PRKCH: variants seen among roughly 807,000 people sequenced by gnomAD.
PRKCH encodes the protein protein kinase C eta.
A neutral mutation model predicts 82.5 loss-of-function variants in PRKCH; 28 were observed. The observed-to-expected ratio is 0.34, with a 90% CI of 0.25 to 0.47. The LOEUF (loss-of-function observed/expected upper bound fraction) is 0.47. Among genes scored for constraint, PRKCH ranks in the 20% least tolerant of loss-of-function variants. The pLI is 1.00. For synonymous variants in PRKCH, 322 were observed against 327.4 expected, an observed-to-expected ratio of 0.98 and a Z score of 0.18; for missense variants, 705 against 881.8, an observed-to-expected ratio of 0.80 and a Z score of 2.54.
At chr14:61,411,442 G>T (rs993788897) in intron 2 of PRKCH, among the ~76,000 whole-genome samples, 3 of 152,092 alleles carry the variant, frequency 2.0e-5, no homozygotes, top group African/African-American at 7.2e-5. Context: ...TTTACTTTTG[G>T]CCAAATGCTG....
At chr14:61,223,621 A>G (rs566975654) in intron 1 of PRKCH, among the ~76,000 whole-genome samples, 1 of 152,300 alleles carries the variant, frequency 6.6e-6, no homozygotes, top group Admixed American at 6.5e-5. Context: ...CTGCCTCTGC[A>G]TTTATTTATT....
intron 1 of PRKCH, among the ~76,000 whole-genome samples, chr14:61,354,686 C>T (rs1024962675): frequency 4.6e-5 from 7 of 152,182 alleles, no homozygotes; most frequent in African/African-American, 7.2e-5. Context: ...CTTCACCTGA[C>T]GAATTCTCCA....
intron 2 of PRKCH, among the ~76,000 whole-genome samples, chr14:61,415,024 G>A (rs906274046): frequency 3.3e-5 from 5 of 151,936 alleles, no homozygotes; most frequent in African/African-American, 1.2e-4. Context: ...TTACCTTCAG[G>A]CCCCATTTTT....
intron 1 of PRKCH, among the ~76,000 whole-genome samples, chr14:61,389,921 C>A (rs2046649967): frequency 6.6e-6 from 1 of 152,082 alleles, no homozygotes; most frequent in South Asian, 2.1e-4. Flanking sequence ...CAAAAATGGT[C>A]ATTCGTATCT....
chr14:61,326,022 GGTAAATCA>G (rs1267190560), intron 1 of PRKCH, among the ~76,000 whole-genome samples: 2 of 152,122 alleles, frequency 1.3e-5, no homozygotes, highest in African/African-American at 4.8e-5. Flanking sequence ...AATGTAAAAT[GGTAAATCA>G]TGTTGGAAAA....
chr14:61,426,726 T>G (rs1469125941), intron 2 of PRKCH, among the ~76,000 whole-genome samples: 5 of 152,206 alleles, frequency 3.3e-5, no homozygotes, highest in Admixed American at 2.0e-4. Context: ...TCAAAAAATT[T>G]TCACCTACAA....
rs17098496 is a variant in PRKCH, at chr14:61,484,079, T to C, written c.1279-1423T>C. On this transcript the variant is annotated intron_variant, in intron 9 of 13. Transcript: ENST00000332981. ...GATAGGTTCTGTGTATCTGCATCCG[T>C]TGGTAAAATACCACTTTCCTCGCAA... Among the ~76,000 whole-genome samples, 2,964 of 152,188 alleles carry C rather than the reference T, an allele frequency of 0.019. 176 individuals carry two copies. The East Asian group carries it at 0.24, about 12-fold the overall frequency.
chr14:61,319,975 T>C (rs1435822993), upstream of PRKCH, among the ~76,000 whole-genome samples: 1 of 152,214 alleles, frequency 6.6e-6, no homozygotes, highest in Non-Finnish European at 1.5e-5. Context: ...GTGAAATCGT[T>C]GAGAACCTAC....
intron 2 of PRKCH, among the ~76,000 whole-genome samples, chr14:61,419,867 G>A (rs964196943): frequency 3.9e-5 from 6 of 152,340 alleles, no homozygotes; most frequent in African/African-American, 7.2e-5. Context: ...TAAGGGAAGA[G>A]TCGAAGGGTG....
intron 1 of PRKCH, among the ~76,000 whole-genome samples, chr14:61,211,784 G>C (rs2140046564): frequency 6.6e-6 from 1 of 152,272 alleles, no homozygotes; most frequent in East Asian, 1.9e-4. Context: ...GATTGCTCAT[G>C]ATCTGAAATC....
At position 61,355,438 on chromosome 14, in the gene PRKCH, C is replaced by G. The variant is rs1319068071; in HGVS notation, c.363+32974C>G. Among the ~76,000 whole-genome samples the G allele has an allele frequency of 5.9e-5, 9 of 152,050 alleles. No homozygotes were observed. The East Asian group carries it at 1.7e-3, about 29-fold the overall frequency. On this transcript the variant is annotated intron_variant, in intron 1 of 13. Coordinates refer to ENST00000332981, the MANE Select transcript of PRKCH (RefSeq NM_006255.5). ...TTTATGACCTTTTAAAAACTGTTAG[C>G]TCCTTGAGGGAAGGGATAGTGTGAT...
chr14:61,268,782 C>T (rs76721595), intron 1 of PRKCH, among the ~76,000 whole-genome samples: 3 of 152,250 alleles, frequency 2.0e-5, no homozygotes, highest in Non-Finnish European at 2.9e-5. Flanking sequence ...TGTTCCAGTA[C>T]AAGCAATTCA....
At chr14:61,265,805 G>A (rs147944198) in intron 1 of PRKCH, among the ~76,000 whole-genome samples, 27 of 152,056 alleles carry the variant, frequency 1.8e-4, no homozygotes, top group Non-Finnish European at 3.2e-4. Context: ...CTCCAAATAA[G>A]AGCCCCCAGC....
At chr14:61,403,662 A>T (rs7141598) in intron 2 of PRKCH, among the ~76,000 whole-genome samples, 2 of 152,176 alleles carry the variant, frequency 1.3e-5, no homozygotes, top group Non-Finnish European at 2.9e-5. Context: ...ACTTCTGAAC[A>T]AGTGATCAGT....
intron 4 of PRKCH, 118 bp downstream of exon 4, chr14:61,445,844 C>T: frequency 9.5e-7 from 1 of 1,055,454 alleles, no homozygotes; most frequent in Middle Eastern, 2.2e-4. Context: ...CTCTGTAGGT[C>T]AAAGGAAACC....
chr14:61,322,170 G>A lies in PRKCH; in HGVS notation c.69G>A (p.Gln23=), dbSNP rs1438298916. 1.9e-6 allele frequency: 3 copies of A among 1,610,252 alleles called. No homozygotes were observed. The highest frequency in any genetic ancestry group is 2.5e-6 in the Non-Finnish European group (3 of 1,178,538). ...GCATCGGTGAGGCAGTGGGGCTGCA[G>A]CCCACCCGCTGGTCCCTGCGCCACT... The part of the protein sequence containing the change: ...RVRIGEAVGL[Q]PTRWSLRHSL... Residue 23 remains glutamine (Q), a synonymous_variant, in exon 1 of 14, where the codon CAG becomes CAA. Transcript: ENST00000332981.
At chr14:61,370,768 C>T (rs1386414470) in intron 1 of PRKCH, among the ~76,000 whole-genome samples, 5 of 152,008 alleles carry the variant, frequency 3.3e-5, no homozygotes, top group African/African-American at 9.7e-5. Context: ...AGAGAAGATA[C>T]TTTACCAACA....
chr14:61,530,463 G>A lies in PRKCH; in HGVS notation c.1629G>A (p.Leu543=), dbSNP rs1359276163. 1 of 1,611,438 alleles carries A rather than the reference G, an allele frequency of 6.2e-7. No individual in the cohort carries two copies. The highest frequency in any genetic ancestry group is 8.5e-7 in the Non-Finnish European group (1 of 1,178,748). The change falls in exon 12 of 14, where the codon TTG becomes TTA. Residue 543 remains leucine (L), a synonymous_variant. Transcript: ENST00000332981. Reference sequence around the variant, plus strand: ...TAGACTGGTGGGCAATGGGCGTGTTGCTCTATGAGATGCTCTGTGGTCACG... The same window carrying A: ...TAGACTGGTGGGCAATGGGCGTGTTACTCTATGAGATGCTCTGTGGTCACG... ...PAVDWWAMGV[L]LYEMLCGHAP...
At chr14:61,479,458 T>C (rs1885871297) in intron 9 of PRKCH, among the ~76,000 whole-genome samples, 1 of 152,098 alleles carries the variant, frequency 6.6e-6, no homozygotes, top group Non-Finnish European at 1.5e-5. Flanking sequence ...AGCAGATGCC[T>C]CCAAAGATGT....
Sources: allele counts gnomAD v4.1 joint callset (sites outside exome capture counted in the v4.1 genomes callset), GRCh38; gene constraint gnomAD v4.1.1; transcripts MANE v1.5; gene names NCBI Gene and HGNC (gene_info 2026-07-23, HGNC 2026-07-21).